CDC42BPA: variants seen among roughly 807,000 people sequenced by gnomAD.
CDC42BPA encodes CDC42 binding protein kinase alpha, also known as serine/threonine-protein kinase MRCK alpha.
In CDC42BPA, 80 loss-of-function variants were observed where a neutral mutation model predicts 223.5. That is an observed-to-expected ratio of 0.36 (90% CI 0.30 to 0.43). The LOEUF is 0.43. CDC42BPA is among the 20% of genes least tolerant of loss of function. The pLI is 1.00. For missense variants in CDC42BPA, 1,743 were observed against 2,099.9 expected (o/e 0.83, Z 3.32); for synonymous variants, 694 against 718.6 (o/e 0.97, Z 0.55).
intron 5 of CDC42BPA, among the ~76,000 whole-genome samples, chr1:227,185,512 G>A (rs1174144176): frequency 2.6e-5 from 4 of 152,020 alleles, no homozygotes; most frequent in Non-Finnish European, 2.9e-5. Context: ...TTTTTTCGCC[G>A]GCTACGTGAA....
chr1:227,199,617 C>A lies in CDC42BPA; in HGVS notation c.390G>T (p.Val130=), dbSNP rs138147922. The change falls in exon 4 of 37, where the codon GTG becomes GTT. Residue 130 remains valine, a synonymous_variant. Coordinates refer to ENST00000366766, the MANE Select transcript of CDC42BPA (RefSeq NM_001394014.1). ...TTGTAATCCATTTATTGTCTCCATT[C>A]ACTAATACATCCCTTTCTTCACGAA... is the stretch of plus-strand genomic sequence containing the variant. ...ACFREERDVL[V]NGDNKWITTL... is the part of the protein sequence containing the mutation. 1.0e-4 allele frequency: 161 copies of A among 1,608,216 alleles called. No individual in the cohort carries two copies. Among genetic ancestry groups the A allele is most frequent in the Non-Finnish European group, 1.3e-4 (157 of 1,176,024 alleles).
intron 2 of CDC42BPA, among the ~76,000 whole-genome samples, chr1:227,231,863 C>A (rs1037602928): frequency 2.6e-5 from 4 of 152,120 alleles, no homozygotes; most frequent in Non-Finnish European, 5.9e-5. Flanking sequence ...TGTTTGAGTT[C>A]TTTGTAGATT....
Position 226,993,216 on chromosome 1 carries a change from G to C in CDC42BPA, c.*1052C>G, listed in dbSNP as rs1308254609. 2.0e-5 allele frequency: 3 copies of C among 152,200 alleles called. No homozygotes were observed. The highest frequency in any genetic ancestry group is 7.2e-5 in the African/African-American group (3 of 41,428). The allele number at this position is 152,200 out of a possible 1,614,324, so 9.4% of individuals were successfully genotyped here. ...AAAGCATTTTTAGAAATTGTTTTCT[G>C]CACCTTCAGAAGCTACAACACTCCT... On this transcript the variant is annotated 3_prime_UTR_variant, in exon 37 of 37. Coordinates refer to ENST00000366766, the MANE Select transcript of CDC42BPA (RefSeq NM_001394014.1).
chr1:227,022,426 C>T (rs1402323786), intron 32 of CDC42BPA, among the ~76,000 whole-genome samples: 1 of 55,196 alleles, frequency 1.8e-5, no homozygotes, highest in African/African-American at 6.2e-5. Flanking sequence ...GAGTGAGACT[C>T]CCGTCTCAAA....
chr1:227,146,726 C>T (rs574826247), intron 7 of CDC42BPA, among the ~76,000 whole-genome samples: 3 of 152,090 alleles, frequency 2.0e-5, no homozygotes, highest in African/African-American at 2.4e-5. Flanking sequence ...TCATAAATAA[C>T]GTTAGAATAG....
intron 2 of CDC42BPA, among the ~76,000 whole-genome samples, chr1:227,237,193 G>C (rs2670456): frequency 6.6e-6 from 1 of 151,738 alleles, no homozygotes. Flanking sequence ...TTTAAGTTTA[G>C]AATTACTTCT....
At chr1:227,064,922 C>T (rs968431354) in intron 21 of CDC42BPA, among the ~76,000 whole-genome samples, 6 of 151,930 alleles carry the variant, frequency 3.9e-5, no homozygotes, top group Non-Finnish European at 1.5e-5. Context: ...ACGGTGAAAC[C>T]CCATCTCTAC....
chr1:227,117,969 A>G (rs1217572166), intron 12 of CDC42BPA, among the ~76,000 whole-genome samples: 5 of 152,178 alleles, frequency 3.3e-5, no homozygotes, highest in Admixed American at 3.3e-4. Context: ...GATATTAAGA[A>G]GCATTTCACA....
At chr1:227,254,011 T>G in intron 2 of CDC42BPA, 53 bp downstream of exon 2, 1 of 972,172 alleles carries the variant, frequency 1.0e-6, no homozygotes, top group East Asian at 2.4e-5. Context: ...ACAATTGTGT[T>G]CAACAGCTTC....
intron 4 of CDC42BPA, among the ~76,000 whole-genome samples, chr1:227,194,751 G>A (rs1670386141): frequency 6.6e-6 from 1 of 152,184 alleles, no homozygotes; most frequent in African/African-American, 2.4e-5. Context: ...AAGTGAGGGA[G>A]AAAACTAGAC....
At chr1:227,005,590 C>T (rs566217090) in intron 34 of CDC42BPA, among the ~76,000 whole-genome samples, 1 of 152,260 alleles carries the variant, frequency 6.6e-6, no homozygotes, top group Admixed American at 6.5e-5. Flanking sequence ...AGTTCACACC[C>T]CAGTCACCAG....
At chr1:227,163,483 T>A (rs1664472959) in intron 5 of CDC42BPA, among the ~76,000 whole-genome samples, 1 of 142,170 alleles carries the variant, frequency 7.0e-6, no homozygotes, top group African/African-American at 2.7e-5. Context: ...TCAACTGTGC[T>A]AGCATGATTA....
At chr1:227,092,400 C>T (rs1476842388) in intron 15 of CDC42BPA, among the ~76,000 whole-genome samples, 1 of 152,102 alleles carries the variant, frequency 6.6e-6, no homozygotes, top group African/African-American at 2.4e-5. Context: ...GAGAGGGTGG[C>T]TACTTTAGAT....
At chr1:227,217,632 C>G (rs1675100948) in intron 2 of CDC42BPA, among the ~76,000 whole-genome samples, 1 of 152,068 alleles carries the variant, frequency 6.6e-6, no homozygotes, top group African/African-American at 2.4e-5. Context: ...TCCCATCTGT[C>G]TCCAAGTAAA....
intron 14 of CDC42BPA, 109 bp from the exon 15 acceptor site, chr1:227,101,348 A>C: frequency 1.7e-6 from 1 of 603,340 alleles, no homozygotes; most frequent in Non-Finnish European, 2.6e-6. Context: ...TTTTTTGTAC[A>C]TCCTAACAAA....
intron 1 of CDC42BPA, among the ~76,000 whole-genome samples, chr1:227,269,688 A>C (rs1685647504): frequency 6.6e-6 from 1 of 152,184 alleles, no homozygotes; most frequent in Admixed American, 6.5e-5. Flanking sequence ...TATTAATATT[A>C]GAAAAATAGG....
At chr1:227,011,042 G>C (rs775789881) in intron 34 of CDC42BPA, 29 of 1,351,830 alleles carry the variant, frequency 2.1e-5, no homozygotes, top group Middle Eastern at 2.1e-4. Context: ...TGATGATGAG[G>C]GGATGGATAA....
intron 21 of CDC42BPA, among the ~76,000 whole-genome samples, chr1:227,061,608 G>C (rs1379777942): frequency 6.6e-6 from 1 of 152,122 alleles, no homozygotes; most frequent in African/African-American, 2.4e-5. Flanking sequence ...CTGATACTCA[G>C]GTCAGTATTT....
At chr1:227,177,429 T>C (rs1667158363) in intron 5 of CDC42BPA, among the ~76,000 whole-genome samples, 1 of 152,200 alleles carries the variant, frequency 6.6e-6, no homozygotes, top group Non-Finnish European at 1.5e-5. Context: ...TAATTACCTT[T>C]TAGCCCCCGT....
Sources: gnomAD v4.1 joint callset for allele counts (sites outside exome capture counted in the v4.1 genomes callset) on GRCh38, gnomAD v4.1.1 for gene constraint, MANE v1.5 for transcripts, NCBI Gene and HGNC (gene_info 2026-07-23, HGNC 2026-07-21) for gene names.